DTNB: variants seen among roughly 807,000 people sequenced by gnomAD.
The protein encoded by DTNB is DTN-B.
Under a neutral mutation model 90.7 loss-of-function variants are expected in DTNB, and 63 were observed. The ratio of observed to expected loss-of-function variants is 0.69; its 90% CI spans 0.57 to 0.86. The LOEUF is 0.86. Among genes scored for constraint, DTNB ranks in the 40% least tolerant of loss-of-function variants. The pLI, the probability that DTNB is intolerant of heterozygous loss-of-function variation, is 0.00. For synonymous variants in DTNB, 277 were observed against 286.7 expected (o/e 0.97, Z 0.34); for missense variants, 744 against 807.1 (o/e 0.92, Z 0.95).
At chr2:25,432,815 C>T (rs2054361488) in intron 14 of DTNB, 71 bp downstream of exon 14, 4 of 1,464,748 alleles carry the variant, frequency 2.7e-6, no homozygotes, top group Non-Finnish European at 3.7e-6. Context: ...TACCCCACTC[C>T]TTTGGTTTCC....
intron 16 of DTNB, chr2:25,399,335 G>A (rs1288898920): frequency 1.5e-5 from 2 of 132,660 alleles, no homozygotes; most frequent in Non-Finnish European, 3.1e-5. Flanking sequence ...ACAGGCGTGA[G>A]CCATCGCCCC....
At chr2:25,547,324 T>TC (rs1432387118) in intron 8 of DTNB, among the ~76,000 whole-genome samples, 2 of 72,480 alleles carry the variant, frequency 2.8e-5, no homozygotes, top group African/African-American at 7.4e-5. Context: ...CTTTCTTTCC[T>TC]TTTTTTTTTT....
intron 9 of DTNB, among the ~76,000 whole-genome samples, chr2:25,517,324 T>C (rs1481142225): frequency 2.6e-5 from 4 of 152,202 alleles, no homozygotes; most frequent in African/African-American, 4.8e-5. Context: ...AGGGAACTTT[T>C]TGGATGATGG....
In DTNB at chr2:25,432,957, C is replaced by A; in HGVS notation, c.1386G>T (p.Glu462Asp). The change falls in exon 14 of 21, where the codon GAG becomes GAT. Residue 462 changes from glutamate to aspartate, a missense_variant. Coordinates refer to ENST00000406818, the MANE Select transcript of DTNB (RefSeq NM_021907.5). ...TCTCAGGGGTGGGCTGGGAGGCCTG[C>A]TCGTGTTCCAGGCGGAGACGCTGAA... ...QEIQRLRLEH[E>D]QASQPTPEKA... 6.2e-7 allele frequency: 1 copy of A among 1,611,108 alleles called. No individual in the cohort carries two copies.
At chr2:25,532,331 T>A (rs6731902) in intron 8 of DTNB, among the ~76,000 whole-genome samples, 1 of 151,104 alleles carries the variant, frequency 6.6e-6, no homozygotes, top group African/African-American at 2.4e-5. Context: ...GTTAGCAAAT[T>A]AGCTAAGTAA....
At chr2:25,617,350 C>T (rs924875732) in intron 4 of DTNB, among the ~76,000 whole-genome samples, 7 of 152,118 alleles carry the variant, frequency 4.6e-5, no homozygotes, top group South Asian at 2.1e-4. Flanking sequence ...AGAGATTTGG[C>T]GAAAATACTT....
At chr2:25,543,763 A>G (rs983239933) in intron 8 of DTNB, among the ~76,000 whole-genome samples, 3 of 151,030 alleles carry the variant, frequency 2.0e-5, no homozygotes, top group Non-Finnish European at 4.4e-5. Flanking sequence ...TTATTTTCTT[A>G]TTTTATTTTC....
At chr2:25,421,790 G>C (rs1051928382) in intron 15 of DTNB, among the ~76,000 whole-genome samples, 1 of 152,130 alleles carries the variant, frequency 6.6e-6, no homozygotes, top group African/African-American at 2.4e-5. Flanking sequence ...AACAGAATAG[G>C]GAAATTCAGA....
At chr2:25,591,180 C>A (rs1341055496) in intron 6 of DTNB, among the ~76,000 whole-genome samples, 2 of 152,356 alleles carry the variant, frequency 1.3e-5, no homozygotes, top group Admixed American at 1.3e-4. Context: ...GGAGCAGACA[C>A]CTCCAAGCCT....
At chr2:25,664,446 A>T (rs531893104) in intron 1 of DTNB, among the ~76,000 whole-genome samples, 3 of 152,354 alleles carry the variant, frequency 2.0e-5, no homozygotes, top group African/African-American at 7.2e-5. Flanking sequence ...GCAGAGGTGA[A>T]CTAAAACATG....
intron 1 of DTNB, among the ~76,000 whole-genome samples, chr2:25,669,878 C>G (rs1026184235): frequency 1.3e-5 from 2 of 150,728 alleles, no homozygotes; most frequent in African/African-American, 4.9e-5. Context: ...GCACTCCAGT[C>G]TGGGCGACAG....
chr2:25,576,521 C>A (rs2060714544), intron 8 of DTNB: 1 of 178,540 alleles, frequency 5.6e-6, no homozygotes, highest in East Asian at 1.6e-4. Flanking sequence ...AGCCATCGTG[C>A]CCAGCCTGTA....
chr2:25,590,186 C>T (rs975915973), intron 6 of DTNB, among the ~76,000 whole-genome samples: 1 of 152,208 alleles, frequency 6.6e-6, no homozygotes, highest in Non-Finnish European at 1.5e-5. Flanking sequence ...ATCTGGGCTC[C>T]CCAGAGGGGT....
At chr2:25,487,176 G>C (rs2066381108) in intron 9 of DTNB, among the ~76,000 whole-genome samples, 1 of 152,144 alleles carries the variant, frequency 6.6e-6, no homozygotes, top group Admixed American at 6.5e-5. Flanking sequence ...GTATATAGAT[G>C]GAGACAAACA....
At chr2:25,633,496 C>T (rs1479685589) in intron 3 of DTNB, among the ~76,000 whole-genome samples, 7 of 152,032 alleles carry the variant, frequency 4.6e-5, no homozygotes, top group African/African-American at 7.2e-5. Flanking sequence ...AGTGCAGTGG[C>T]GTGATCTCGG....
chr2:25,491,881 A>G (rs2067586291), intron 9 of DTNB, among the ~76,000 whole-genome samples: 1 of 151,738 alleles, frequency 6.6e-6, no homozygotes, highest in South Asian at 2.1e-4. Context: ...AGTAGATACC[A>G]TTATCTTTAT....
At chr2:25,564,425 C>T (rs897957927) in intron 8 of DTNB, among the ~76,000 whole-genome samples, 5 of 151,970 alleles carry the variant, frequency 3.3e-5, no homozygotes, top group Non-Finnish European at 7.4e-5. Flanking sequence ...CTGTCACCCA[C>T]GATGGAGCAC....
intron 3 of DTNB, among the ~76,000 whole-genome samples, chr2:25,632,742 T>C (rs960615599): frequency 3.3e-5 from 5 of 152,226 alleles, no homozygotes; most frequent in Admixed American, 2.6e-4. Context: ...TCCGTATCTG[T>C]ACAAAATAAA....
At chr2:25,549,237 A>G (rs904578778) in intron 8 of DTNB, among the ~76,000 whole-genome samples, 2 of 151,764 alleles carry the variant, frequency 1.3e-5, no homozygotes, top group African/African-American at 4.8e-5. Flanking sequence ...TTGATTATGA[A>G]TATACATATA....
Sources: gnomAD v4.1 joint callset for allele counts (sites outside exome capture counted in the v4.1 genomes callset) on GRCh38, gnomAD v4.1.1 for gene constraint, MANE v1.5 for transcripts, NCBI Gene and HGNC (gene_info 2026-07-23, HGNC 2026-07-21) for gene names.